The following NOP14 variants were observed in gnomAD, a reference collection of about 807,000 sequenced individuals.
NOP14 encodes NOP14 nucleolar protein.
Under a neutral mutation model 101.6 loss-of-function variants are expected in NOP14, and 57 were observed. The observed-to-expected ratio is 0.56, with a 90% confidence interval of 0.45 to 0.70. The LOEUF is 0.70. Ranked by LOEUF, NOP14 falls within the 30% of genes least tolerant of loss-of-function variation. The probability of loss-of-function intolerance (pLI) is 0.00; values close to 1 mark genes in which losing one functional copy is unlikely to be tolerated. For missense variants in NOP14, 1,134 were observed against 1,075.5 expected, an observed-to-expected ratio of 1.05 and a Z score of -0.76; for synonymous variants, 428 against 424.0, an observed-to-expected ratio of 1.01 and a Z score of -0.12.
intron 13 of NOP14, among the ~76,000 whole-genome samples, chr4:2,942,956 A>AG (rs1287767360): frequency 2.0e-5 from 3 of 152,104 alleles, no homozygotes; most frequent in African/African-American, 7.2e-5. Flanking sequence ...GCCAAGCGAG[A>AG]GGGGAAGGCG....
intron 16 of NOP14, 33 bp from the exon 17 acceptor site, chr4:2,939,376 G>C: frequency 1.2e-6 from 2 of 1,613,590 alleles, no homozygotes; most frequent in South Asian, 2.2e-5. Context: ...AAGGAAGCAA[G>C]AGTCTGTCCC....
chr4:2,946,915 G>A (rs1714686204), intron 10 of NOP14: 1 of 282,488 alleles, frequency 3.5e-6, no homozygotes, highest in Non-Finnish European at 6.8e-6. Flanking sequence ...AAGATGACGT[G>A]GAGAGCTCCG....
At chr4:2,959,890 T>G (rs1025358503) in intron 1 of NOP14, among the ~76,000 whole-genome samples, 2 of 152,068 alleles carry the variant, frequency 1.3e-5, no homozygotes, top group Non-Finnish European at 2.9e-5. Flanking sequence ...GGCAATCAGA[T>G]GGGAGCACAT....
chr4:2,944,575 T>G lies in NOP14; in HGVS notation c.1738-349A>C, dbSNP rs1418987664. Among the ~76,000 whole-genome samples the G allele has an allele frequency of 4.6e-5, 7 of 152,162 alleles. No individual in the cohort carries two copies. In the East Asian group the frequency reaches 9.7e-4, roughly 21 times the overall value. The stretch of plus-strand genomic sequence containing the variant: ...GCATGTGGCACCACACCCAGCTAAT[T>G]TTTGTATTTTTAGTAGAGACGGGGT... On this transcript the variant is annotated intron_variant, in intron 12 of 17. Transcript: ENST00000416614.
At chr4:2,946,370 A>G (rs776427484) in intron 11 of NOP14, 42 bp downstream of exon 11, 1 of 1,610,370 alleles carries the variant, frequency 6.2e-7, no homozygotes, top group Non-Finnish European at 8.5e-7. Flanking sequence ...GCCAAACAGA[A>G]CTTCTGTGGC....
chr4:2,955,182 CGCCCCCTCT>C lies in NOP14; in HGVS notation c.473-628_473-620del, dbSNP rs1461238540. 1.2e-3 allele frequency among the ~76,000 whole-genome samples: 111 copies of C among 96,438 alleles called. 21 individuals carry two copies. Among genetic ancestry groups the C allele is most frequent in the African/African-American group, 2.3e-3 (49 of 21,416 alleles). The allele number at this position is 96,438 out of a possible 152,430, so 63.3% of individuals were successfully genotyped here. On this transcript the variant is annotated intron_variant, in intron 3 of 17. Transcript: ENST00000416614. ...CCCTCTAGTCACCTGCACGCCACGG[CGCCCCCTCT>C]AGTCACCTGGACCACGGCGCCCCCT...
intron 13 of NOP14, among the ~76,000 whole-genome samples, chr4:2,943,694 T>C (rs994180960): frequency 3.3e-5 from 5 of 152,264 alleles, no homozygotes; most frequent in Admixed American, 6.5e-5. Flanking sequence ...AAAGTTAAGA[T>C]TGATTTTAAC....
At chr4:2,960,503 C>T (rs1265012040) in intron 1 of NOP14, among the ~76,000 whole-genome samples, 2 of 151,878 alleles carry the variant, frequency 1.3e-5, no homozygotes, top group Non-Finnish European at 2.9e-5. Context: ...CTTTCTTAAA[C>T]TATATAGATG....
At chr4:2,953,784 G>T in intron 4 of NOP14, 139 bp from the exon 5 acceptor site, 1 of 891,674 alleles carries the variant, frequency 1.1e-6, no homozygotes, top group South Asian at 1.7e-5. Context: ...GAGGCCAGGA[G>T]AAATGAGTAT....
At chr4:2,954,361 A>C in intron 4 of NOP14, 63 bp downstream of exon 4, 1 of 1,570,936 alleles carries the variant, frequency 6.4e-7, no homozygotes, top group Non-Finnish European at 8.6e-7. Flanking sequence ...AAAAAAGCTC[A>C]AACACATTTT....
In NOP14 at chr4:2,939,362, T is replaced by G; in HGVS notation, c.2319-19A>C. 6.2e-7 allele frequency: 1 copy of G among 1,613,972 alleles called. No individual in the cohort carries two copies. The highest frequency in any genetic ancestry group is 2.2e-5 in the East Asian group (1 of 44,880). On this transcript the variant is annotated intron_variant, in intron 16 of 17. Coordinates refer to ENST00000416614, the MANE Select transcript of NOP14 (RefSeq NM_001291978.2). ...CTCGAGGCTACAACCAGAAAGCCACTGTTAAGGAAGCAAGAGTCTGTCCCC... is the reference window on the plus strand; with the variant it reads ...CTCGAGGCTACAACCAGAAAGCCACGGTTAAGGAAGCAAGAGTCTGTCCCC...
In NOP14 at chr4:2,963,219, A is replaced by C. The variant is rs1577869342; in HGVS notation, c.101T>G (p.Val34Gly). 6.3e-7 allele frequency: 1 copy of C among 1,589,134 alleles called. No homozygotes were observed. The highest frequency in any genetic ancestry group is 8.5e-7 in the Non-Finnish European group (1 of 1,170,178). ...PAKANSNPFE[V>G]KVNRQKFQIL... The stretch of plus-strand genomic sequence containing the variant: ...CTGGAACTTCTGCCTGTTAACTTTC[A>C]CCTCGAACGGATTGGAGTTGGCCTT... Residue 34 changes from valine (V) to glycine (G), a missense_variant, in exon 1 of 18, where the codon GTG becomes GGG. Coordinates refer to ENST00000416614, the MANE Select transcript of NOP14 (RefSeq NM_001291978.2).
At chr4:2,951,083 G>A in intron 7 of NOP14, 31 bp downstream of exon 7, 1 of 1,558,118 alleles carries the variant, frequency 6.4e-7, no homozygotes, top group Non-Finnish European at 8.7e-7. Context: ...AAAAAAGAGA[G>A]AGAAAGAGAA....
At position 2,947,507 on chromosome 4, in the gene NOP14, A is replaced by G. The variant is rs780503527; in HGVS notation, c.1499+19T>C. ...TCTGCTTAACCCCACATCCCAGATG[A>G]CACACCATTTTTACTTACACAACCA... On this transcript the variant is annotated intron_variant, in intron 10 of 17. Transcript: ENST00000416614. 22 of 1,562,194 alleles carry G rather than the reference A, an allele frequency of 1.4e-5. No individual in the cohort carries two copies. The highest frequency in any genetic ancestry group is 1.7e-4 in the Middle Eastern group (1 of 5,974).
intron 1 of NOP14, among the ~76,000 whole-genome samples, chr4:2,959,730 G>C (rs909483816): frequency 1.3e-5 from 2 of 152,150 alleles, no homozygotes; most frequent in Admixed American, 1.3e-4. Flanking sequence ...CTTCTGTTAC[G>C]AGCCATTCCA....
At chr4:2,942,783 G>A (rs910683332) in intron 13 of NOP14, among the ~76,000 whole-genome samples, 3 of 152,212 alleles carry the variant, frequency 2.0e-5, no homozygotes, top group Non-Finnish European at 2.9e-5. Context: ...AGAGTCAGTC[G>A]GGGGTGACGG....
At chr4:2,947,639 G>C (rs1007842424) in intron 9 of NOP14, 28 bp from the exon 10 acceptor site, 2 of 1,553,396 alleles carry the variant, frequency 1.3e-6, no homozygotes, top group African/African-American at 1.4e-5. Flanking sequence ...GGGAAATAAA[G>C]CTCAGTGCTC....
At position 2,956,790 on chromosome 4, in the gene NOP14, T is replaced by G. The variant is rs769114861; in HGVS notation, c.352A>C (p.Ile118Leu). 6.2e-7 allele frequency: 1 copy of G among 1,606,436 alleles called. No individual in the cohort carries two copies. Among genetic ancestry groups the G allele is most frequent in the African/African-American group, 1.3e-5 (1 of 74,452 alleles). ...EQQRHHEKKS[I>L]YNLNEDEELT... ...TCTTCATCTTCATTTAGATTGTAGATGCTTTTTTTCTCATGATGTCGCTGA... is the reference window on the plus strand; with the variant it reads ...TCTTCATCTTCATTTAGATTGTAGAGGCTTTTTTTCTCATGATGTCGCTGA... Residue 118 changes from isoleucine to leucine, a missense_variant, in exon 3 of 18, where the codon ATC (isoleucine) becomes CTC (leucine). Coordinates refer to ENST00000416614, the MANE Select transcript of NOP14 (RefSeq NM_001291978.2).
chr4:2,955,864 T>C (rs1715316418), intron 3 of NOP14, among the ~76,000 whole-genome samples: 1 of 152,200 alleles, frequency 6.6e-6, no homozygotes, highest in Non-Finnish European at 1.5e-5. Flanking sequence ...CTGCCCTAAT[T>C]CCTAAGCCTT....
Sources: gnomAD v4.1 joint callset for allele counts (sites outside exome capture counted in the v4.1 genomes callset) on GRCh38, gnomAD v4.1.1 for gene constraint, MANE v1.5 for transcripts, NCBI Gene and HGNC (gene_info 2026-07-23, HGNC 2026-07-21) for gene names.